Variants in ITIH1 observed in about 807,000 individuals in gnomAD.
ITIH1 encodes inter-alpha-trypsin inhibitor heavy chain 1.
ITIH1 carries 94 observed loss-of-function variants against 104.6 expected under a neutral mutation model. The observed-to-expected ratio is 0.90, with a 90% CI of 0.76 to 1.07. ITIH1 has a LOEUF of 1.07. Ranked by LOEUF, ITIH1 falls within the 50% of genes least tolerant of loss-of-function variation. ITIH1 has a pLI of 0.00. For synonymous variants in ITIH1, 455 were observed against 464.4 expected, an observed-to-expected ratio of 0.98 and a Z score of 0.26; for missense variants, 1,193 against 1,181.4, an observed-to-expected ratio of 1.01 and a Z score of -0.14.
chr3:52,777,972 A>G lies in ITIH1; in HGVS notation c.118-25A>G, dbSNP rs1698945776. 1.9e-6 allele frequency: 3 copies of G among 1,613,936 alleles called. No homozygotes were observed. In the African/African-American group the frequency reaches 4.0e-5, roughly 22 times the overall value. On this transcript the variant is annotated intron_variant, in intron 1 of 21. Coordinates refer to ENST00000273283, the MANE Select transcript of ITIH1 (RefSeq NM_002215.4). ...GTGGTCCCCTGAGTTTTCCTCTCACACTTGACCCTGATTTTGTTTTGCAGA... is the reference window on the plus strand; with the variant it reads ...GTGGTCCCCTGAGTTTTCCTCTCACGCTTGACCCTGATTTTGTTTTGCAGA...
intron 7 of ITIH1, 36 bp downstream of exon 7, chr3:52,782,101 T>C (rs202068746): frequency 1.3e-4 from 214 of 1,614,010 alleles, no homozygotes; most frequent in Non-Finnish European, 1.7e-4. Context: ...ACCCAGAGGA[T>C]GGGCAAGGGG....
At chr3:52,781,857 G>A (rs556587531) in intron 6 of ITIH1, 83 bp from the exon 7 acceptor site, 100 of 1,525,194 alleles carry the variant, frequency 6.6e-5, no homozygotes, top group South Asian at 1.4e-4. Flanking sequence ...ACACACACAC[G>A]CATGCCTTCT....
In ITIH1 at chr3:52,785,034, A is replaced by T. The variant is rs768003197; in HGVS notation, c.1408-10A>T. ...GCTCAGCTCTAAGGCTGCAACCTCTATCCCTGCAGGGTTTCTACAGCCAGG... is the reference window on the plus strand; with the variant it reads ...GCTCAGCTCTAAGGCTGCAACCTCTTTCCCTGCAGGGTTTCTACAGCCAGG... On this transcript the variant is annotated splice_polypyrimidine_tract_variant and intron_variant, in intron 11 of 21. Transcript: ENST00000273283. The T allele has an allele frequency of 2.5e-6, 4 of 1,613,688 alleles. No individual in the cohort carries two copies. The South Asian group carries it at 4.4e-5, about 18-fold the overall frequency.
Position 52,792,040 on chromosome 3 carries a change from CCA to C in ITIH1, c.*130_*131del. ...CTTGTGTCAAAGCACCTCATGCCTT[CCA>C]TTAAAGAGAGGCCGTGTCCACCCTG... On this transcript the variant is annotated 3_prime_UTR_variant, in exon 22 of 22. Coordinates refer to ENST00000273283, the MANE Select transcript of ITIH1 (RefSeq NM_002215.4). 1 of 1,096,432 alleles carries C rather than the reference CCA, an allele frequency of 9.1e-7. No individual in the cohort carries two copies. The highest frequency in any genetic ancestry group is 1.6e-5 in the African/African-American group (1 of 64,080). The allele number at this position is 1,096,432 out of a possible 1,614,324, so 67.9% of individuals were successfully genotyped here.
chr3:52,780,007 C>G (rs1698994564), intron 5 of ITIH1: 1 of 1,378,814 alleles, frequency 7.3e-7, no homozygotes, highest in Non-Finnish European at 9.5e-7. Context: ...GGAGTGCCTA[C>G]TGAGTACCAG....
In ITIH1 at chr3:52,786,807, T is replaced by C. The variant is rs1699214093; in HGVS notation, c.1734-138T>C. ...GGCCCCTGAGGATGTAGCCACTGCA[T>C]AGGACACCATGGGGGCTTAATACTT... is the stretch of plus-strand genomic sequence containing the variant. On this transcript the variant is annotated intron_variant, in intron 13 of 21. Transcript: ENST00000273283. The C allele has an allele frequency of 4.0e-6, 4 of 1,003,774 alleles. No individual in the cohort carries two copies. The South Asian group carries it at 5.1e-5, about 13-fold the overall frequency. 62.2% of individuals were successfully genotyped at this position (1,003,774 alleles called of 1,614,324 possible). A position where few individuals can be genotyped will look rare whatever the true frequency, so the allele number is the denominator to read the frequency against.
At chr3:52,787,829 C>A in intron 16 of ITIH1, 157 bp from the exon 17 acceptor site, 1 of 920,814 alleles carries the variant, frequency 1.1e-6, no homozygotes, top group Non-Finnish European at 1.8e-6. Context: ...GTCCCCGTGT[C>A]CCGGGAGCCA....
rs768299617 is a variant in ITIH1, at chr3:52,779,437, C to T, written c.416C>T (p.Ser139Leu). 9.9e-6 allele frequency: 16 copies of T among 1,614,074 alleles called. No individual in the cohort carries two copies. The highest frequency in any genetic ancestry group is 2.2e-5 in the East Asian group (1 of 44,896). Residue 139 changes from serine to leucine, a missense_variant, in exon 5 of 22, where the codon TCG (serine) becomes TTG (leucine). Physicochemically the swap from Ser to Leu is moderately radical, Grantham distance 145. Transcript: ENST00000273283. The surrounding 1 kb of genome is among the most constrained non-coding windows in gnomAD (Gnocchi z 4.4). ...SGENAGLVRA[S>L]GRTMEQFTIH... is the part of the protein sequence containing the mutation. ...GCCTCTGGTGGCACATCCAGGGCCT[C>T]GGGGAGAACTATGGAGCAATTCACC...
intron 1 of ITIH1, 49 bp downstream of exon 1, chr3:52,777,781 A>G (rs757092155): frequency 1.3e-6 from 2 of 1,504,876 alleles, no homozygotes; most frequent in East Asian, 4.5e-5. Flanking sequence ...AACCTGGATG[A>G]GGCCCCGGGC....
At chr3:52,788,624 T>C (rs112263570) in intron 18 of ITIH1, among the ~76,000 whole-genome samples, 2,457 of 150,424 alleles carry the variant, frequency 0.016, 79 homozygotes, top group African/African-American at 0.056. Flanking sequence ...ACAGTGGCGT[T>C]ATCTCAGCTC....
In ITIH1 at chr3:52,778,419, G is replaced by C. The variant is rs1698956753; in HGVS notation, c.218G>C (p.Ser73Thr). ...CGCTTCGCCCACTATGTTGTCACCA[G>C]CCAAGTGGTCAACACTGCCAATGAA... ...TSRFAHYVVT[S>T]QVVNTANEAR... Residue 73 changes from serine (S) to threonine (T), a missense_variant, in exon 3 of 22, where the codon AGC (serine) becomes ACC (threonine). Physicochemically the swap from Ser to Thr is moderately conservative, Grantham distance 58. Coordinates refer to ENST00000273283, the MANE Select transcript of ITIH1 (RefSeq NM_002215.4). The C allele has an allele frequency of 1.2e-6, 2 of 1,614,208 alleles. No individual in the cohort carries two copies. The highest frequency in any genetic ancestry group is 1.7e-6 in the Non-Finnish European group (2 of 1,180,026).
At chr3:52,781,303 GCTT>G (rs1170487139) in intron 6 of ITIH1, among the ~76,000 whole-genome samples, 5 of 54,888 alleles carry the variant, frequency 9.1e-5, no homozygotes, top group African/African-American at 2.4e-4. Flanking sequence ...TTCTTCTTCT[GCTT>G]CTTCTTCTCC....
chr3:52,786,481 TC>T (rs1437183953), intron 13 of ITIH1, 47 bp downstream of exon 13: 7 of 1,538,214 alleles, frequency 4.6e-6, no homozygotes, highest in Non-Finnish European at 6.2e-6. Flanking sequence ...CACCCCAGAG[TC>T]CCCCCACCCC....
Position 52,792,029 on chromosome 3 carries a change from C to T in ITIH1, c.*118C>T, listed in dbSNP as rs776868429. On this transcript the variant is annotated 3_prime_UTR_variant, in exon 22 of 22. Transcript: ENST00000273283. The stretch of plus-strand genomic sequence containing the variant: ...TAAGCTGGTTCCTTGTGTCAAAGCA[C>T]CTCATGCCTTCCATTAAAGAGAGGC... 93 of 1,176,724 alleles carry T rather than the reference C, an allele frequency of 7.9e-5. No individual in the cohort carries two copies. The highest frequency in any genetic ancestry group is 1.0e-4 in the Non-Finnish European group (88 of 840,746). The allele number at this position is 1,176,724 out of a possible 1,614,324, so 72.9% of individuals were successfully genotyped here. A position where few individuals can be genotyped will look rare whatever the true frequency, so the allele number is the denominator to read the frequency against.
intron 21 of ITIH1, 46 bp downstream of exon 21, chr3:52,791,674 AG>A: frequency 6.2e-7 from 1 of 1,610,172 alleles, no homozygotes; most frequent in Non-Finnish European, 8.5e-7. Flanking sequence ...GCCACTTTGT[AG>A]TTCTTCCAGG....
At chr3:52,785,634 A>G (rs2154108516) in intron 12 of ITIH1, among the ~76,000 whole-genome samples, 1 of 152,346 alleles carries the variant, frequency 6.6e-6, no homozygotes, top group African/African-American at 2.4e-5. Context: ...TGGTGGGGAC[A>G]GGCATGTGAG....
chr3:52,777,681 GCAGGCCATGCCTGCC>G lies in ITIH1; in HGVS notation c.68_82del (p.Gln23_Ala27del), dbSNP rs767268774. Reference sequence around the variant, plus strand: ...TGTACCTGGTATCTCTCCTCATCCTGCAGGCCATGCCTGCCCTGGGCTCGGCTACAGGCAGGTCCA... The same window carrying G: ...TGTACCTGGTATCTCTCCTCATCCTGCTGGGCTCGGCTACAGGCAGGTCCA... On this transcript the variant is annotated inframe_deletion, in exon 1 of 22. Transcript: ENST00000273283. The G allele has an allele frequency of 2.8e-5, 45 of 1,605,932 alleles. No individual in the cohort carries two copies. Among genetic ancestry groups the G allele is most frequent in the Non-Finnish European group, 1.4e-5 (17 of 1,176,428 alleles).
chr3:52,778,757 G>A, intron 3 of ITIH1, 185 bp from the exon 4 acceptor site: 1 of 1,269,882 alleles, frequency 7.9e-7, no homozygotes, highest in Non-Finnish European at 1.1e-6. Context: ...CAGAGTCTGA[G>A]GCTTCTTGCT....
At position 52,778,351 on chromosome 3, in the gene ITIH1, C is replaced by T. The variant is rs778906002; in HGVS notation, c.150C>T (p.Gly50=). 1.1e-5 allele frequency: 18 copies of T among 1,614,190 alleles called. No homozygotes were observed. The highest frequency in any genetic ancestry group is 1.2e-5 in the Non-Finnish European group (14 of 1,179,994). The change falls in exon 3 of 22, where the codon GGC becomes GGT. Residue 50 remains glycine (G), a synonymous_variant. Coordinates refer to ENST00000273283, the MANE Select transcript of ITIH1 (RefSeq NM_002215.4). The part of the protein sequence containing the change: ...KRQAVDTAVD[G]VFIRSLKVNC... The stretch of plus-strand genomic sequence containing the variant: ...ATGTCTCACTTTAGGCTGTCGATGG[C>T]GTGTTCATCCGGAGTTTGAAAGTCA...
Sources: allele counts gnomAD v4.1 joint callset (sites outside exome capture counted in the v4.1 genomes callset), GRCh38; gene constraint gnomAD v4.1.1; non-coding constraint Gnocchi (gnomAD v3.1); transcripts MANE v1.5; gene names NCBI Gene and HGNC (gene_info 2026-07-23, HGNC 2026-07-21).